The following DIP2C variants were observed in gnomAD, a reference collection of about 807,000 sequenced individuals.
DIP2C encodes the protein disco-interacting protein 2 homolog C.
In DIP2C, 33 loss-of-function variants were observed where a neutral mutation model predicts 192.4. The ratio of observed to expected loss-of-function variants is 0.17; its 90% CI spans 0.13 to 0.23. DIP2C has a LOEUF of 0.23. Among genes scored for constraint, DIP2C ranks in the 10% least tolerant of loss-of-function variants. DIP2C has a pLI of 1.00. For missense variants in DIP2C, 1,537 were observed against 2,110.1 expected, an observed-to-expected ratio of 0.73 and a Z score of 5.32; for synonymous variants, 979 against 864.1, an observed-to-expected ratio of 1.13 and a Z score of -2.33.
At chr10:681,681 G>A (rs1462083556) in intron 1 of DIP2C, among the ~76,000 whole-genome samples, 7 of 152,148 alleles carry the variant, frequency 4.6e-5, no homozygotes, top group South Asian at 2.1e-4. Context: ...CACCATCTAC[G>A]GCCACGGAAA....
chr10:360,923 C>T (rs1479456871), intron 22 of DIP2C, among the ~76,000 whole-genome samples: 1 of 152,136 alleles, frequency 6.6e-6, no homozygotes, highest in Non-Finnish European at 1.5e-5. Flanking sequence ...ATAATGGCTA[C>T]TCACCTGTCA....
intron 4 of DIP2C, among the ~76,000 whole-genome samples, chr10:426,040 T>TA (rs1466880525): frequency 1.3e-5 from 2 of 152,188 alleles, no homozygotes; most frequent in African/African-American, 4.8e-5. Flanking sequence ...AATTTAATAA[T>TA]AAAGACATCC....
intron 1 of DIP2C, among the ~76,000 whole-genome samples, chr10:670,172 G>GA (rs1317411302): frequency 6.6e-6 from 1 of 151,928 alleles, no homozygotes; most frequent in Non-Finnish European, 1.5e-5. Flanking sequence ...GCACATGCAT[G>GA]AACATGTACA....
At position 394,380 on chromosome 10, in the gene DIP2C, G is replaced by A. The variant is rs140464516; in HGVS notation, c.1261-3517C>T. Reference sequence around the variant, plus strand: ...CAGTGGGTGCTATTCAGCCTTCAGCGAGGAGGGAACCCTGCCGTGTGCTGA... The same window carrying A: ...CAGTGGGTGCTATTCAGCCTTCAGCAAGGAGGGAACCCTGCCGTGTGCTGA... On this transcript the variant is annotated intron_variant, in intron 10 of 36. Transcript: ENST00000280886. Among the ~76,000 whole-genome samples the A allele has an allele frequency of 2.7e-3, 403 of 150,102 alleles. 1 individual carries two copies. Among genetic ancestry groups the A allele is most frequent in the Non-Finnish European group, 5.0e-3 (336 of 67,706 alleles).
At chr10:589,266 C>T (rs188177679) in intron 1 of DIP2C, among the ~76,000 whole-genome samples, 1 of 152,260 alleles carries the variant, frequency 6.6e-6, no homozygotes, top group African/African-American at 2.4e-5. Context: ...TAGACATCTT[C>T]TCCCTGTCTG....
intron 29 of DIP2C, among the ~76,000 whole-genome samples, chr10:335,447 T>C (rs1219288029): frequency 1.3e-5 from 2 of 152,248 alleles, no homozygotes; most frequent in South Asian, 4.1e-4. Context: ...CAAGTTTCTC[T>C]AGCCATCCCC....
chr10:500,351 T>C (rs566772395), intron 1 of DIP2C, among the ~76,000 whole-genome samples: 1 of 152,254 alleles, frequency 6.6e-6, no homozygotes, highest in Non-Finnish European at 1.5e-5. Flanking sequence ...ACTATTTCAG[T>C]AGGTCCTGTG....
At chr10:538,935 TTG>T (rs1847837337) in intron 1 of DIP2C, among the ~76,000 whole-genome samples, 1 of 151,388 alleles carries the variant, frequency 6.6e-6, no homozygotes, top group African/African-American at 2.5e-5. Flanking sequence ...TGAACCTCAG[TTG>T]TGAGTTGTCT....
intron 1 of DIP2C, among the ~76,000 whole-genome samples, chr10:506,135 G>A (rs1588328953): frequency 6.6e-6 from 1 of 152,130 alleles, no homozygotes; most frequent in Non-Finnish European, 1.5e-5. Context: ...TGCTTCCCAT[G>A]CTCGTTACCC....
At chr10:681,042 G>T (rs7093991) in intron 1 of DIP2C, among the ~76,000 whole-genome samples, 1 of 150,596 alleles carries the variant, frequency 6.6e-6, no homozygotes, top group Non-Finnish European at 1.5e-5. Context: ...TACAGCTACC[G>T]CCTGTGGCCA....
chr10:468,942 C>T (rs1970422294), intron 3 of DIP2C, among the ~76,000 whole-genome samples: 1 of 152,230 alleles, frequency 6.6e-6, no homozygotes, highest in South Asian at 2.1e-4. Flanking sequence ...CACCTGTAAC[C>T]TATACACAGT....
intron 1 of DIP2C, among the ~76,000 whole-genome samples, chr10:674,448 C>T (rs1830784667): frequency 6.6e-6 from 1 of 151,892 alleles, no homozygotes; most frequent in East Asian, 1.9e-4. Context: ...AACAAAGCAC[C>T]CAGATATATA....
At position 363,435 on chromosome 10, in the gene DIP2C, G is replaced by A; in HGVS notation, c.2478-124C>T. 1.3e-6 allele frequency: 1 copy of A among 773,162 alleles called. No individual in the cohort carries two copies. The highest frequency in any genetic ancestry group is 2.1e-6 in the Non-Finnish European group (1 of 474,708). 47.9% of individuals were successfully genotyped at this position (773,162 alleles called of 1,614,324 possible). Reference sequence around the variant, plus strand: ...CAGCTCCAACTACGACTTCAAAACGGCCGCTGTACTTCCGAATTTCCCCAC... The same window carrying A: ...CAGCTCCAACTACGACTTCAAAACGACCGCTGTACTTCCGAATTTCCCCAC... On this transcript the variant is annotated intron_variant, in intron 20 of 36. Coordinates refer to ENST00000280886, the MANE Select transcript of DIP2C (RefSeq NM_014974.3). This position sits in a 1 kb window ranked among gnomAD's most constrained non-coding sequence, Gnocchi z 5.4.
At chr10:325,075 C>T (rs528916405) in intron 31 of DIP2C, 2 of 427,110 alleles carry the variant, frequency 4.7e-6, no homozygotes, top group Admixed American at 2.8e-5. Context: ...ACCATGCTGG[C>T]TAACACGGTG....
intron 2 of DIP2C, among the ~76,000 whole-genome samples, chr10:485,209 G>A (rs560315786): frequency 3.3e-5 from 5 of 152,332 alleles, no homozygotes; most frequent in South Asian, 4.1e-4. Context: ...AACCAACAGC[G>A]TCCGTGGCCT....
At chr10:421,800 C>T (rs1033594469) in intron 5 of DIP2C, among the ~76,000 whole-genome samples, 1 of 152,144 alleles carries the variant, frequency 6.6e-6, no homozygotes, top group African/African-American at 2.4e-5. Flanking sequence ...CTTCAAGATC[C>T]CAGCAGCAGT....
chr10:538,827 A>G (rs1847832248), intron 1 of DIP2C, among the ~76,000 whole-genome samples: 1 of 152,360 alleles, frequency 6.6e-6, no homozygotes, highest in East Asian at 1.9e-4. Flanking sequence ...GCACTGGGTA[A>G]TATGACTTTG....
At chr10:602,359 T>G (rs1017272102) in intron 1 of DIP2C, among the ~76,000 whole-genome samples, 1 of 152,140 alleles carries the variant, frequency 6.6e-6, no homozygotes, top group Non-Finnish European at 1.5e-5. Context: ...AATGATACCA[T>G]CGCAGCCCTA....
intron 36 of DIP2C, 124 bp downstream of exon 36, chr10:281,076 A>T: frequency 2.2e-6 from 3 of 1,352,136 alleles, no homozygotes; most frequent in Non-Finnish European, 3.1e-6. Flanking sequence ...TTATAGTCAA[A>T]TGTTGAATCG....
Sources: allele counts gnomAD v4.1 joint callset (sites outside exome capture counted in the v4.1 genomes callset), GRCh38; gene constraint gnomAD v4.1.1; non-coding constraint Gnocchi (gnomAD v3.1); transcripts MANE v1.5; gene names NCBI Gene and HGNC (gene_info 2026-07-23, HGNC 2026-07-21).